LRP1B: variants seen among roughly 807,000 people sequenced by gnomAD.
LRP1B encodes low-density lipoprotein receptor-related protein 1B.
In LRP1B, 217 loss-of-function variants were observed where a neutral mutation model predicts 556.6. The observed-to-expected ratio is 0.39, with a 90% CI of 0.35 to 0.44. The LOEUF (loss-of-function observed/expected upper bound fraction) is 0.44. LRP1B is among the 20% of genes least tolerant of loss of function. The pLI is 1.00. For synonymous variants in LRP1B, 2,047 were observed against 1,865.8 expected, an observed-to-expected ratio of 1.10 and a Z score of -2.50; for missense variants, 5,053 against 5,620.8, an observed-to-expected ratio of 0.90 and a Z score of 3.23.
intron 3 of LRP1B, among the ~76,000 whole-genome samples, chr2:141,338,258 C>T (rs989605826): frequency 3.3e-5 from 5 of 152,158 alleles, no homozygotes; most frequent in Non-Finnish European, 5.9e-5. Flanking sequence ...ACTGAAGCCA[C>T]TGCCACCATA....
At chr2:141,378,622 T>C (rs1689524847) in intron 3 of LRP1B, among the ~76,000 whole-genome samples, 1 of 152,098 alleles carries the variant, frequency 6.6e-6, no homozygotes, top group African/African-American at 2.4e-5. Flanking sequence ...GCTAAGATAA[T>C]GCCACTACAC....
chr2:140,526,005 T>G lies in LRP1B; in HGVS notation c.7877-12A>C, dbSNP rs553075644. On this transcript the variant is annotated splice_polypyrimidine_tract_variant and intron_variant, in intron 48 of 90. Transcript: ENST00000389484. The stretch of plus-strand genomic sequence containing the variant: ...GCAGTCTGTGTTATCTAGAAGAAGG[T>G]AAACAAAAAATGAAAAAGTACCTCA... 6.2e-7 allele frequency: 1 copy of G among 1,608,866 alleles called. No individual in the cohort carries two copies. Among genetic ancestry groups the G allele is most frequent in the African/African-American group, 1.3e-5 (1 of 74,584 alleles).
chr2:141,059,433 T>C (rs1699277471), intron 8 of LRP1B, among the ~76,000 whole-genome samples: 1 of 151,790 alleles, frequency 6.6e-6, no homozygotes, highest in Admixed American at 6.6e-5. Flanking sequence ...TATATAATAA[T>C]GGATATTTAG....
intron 25 of LRP1B, among the ~76,000 whole-genome samples, chr2:140,873,534 G>C (rs1693206807): frequency 6.6e-6 from 1 of 152,076 alleles, no homozygotes. Flanking sequence ...TTGGAGGTTA[G>C]AAACAGGATG....
intron 2 of LRP1B, among the ~76,000 whole-genome samples, chr2:141,692,958 C>T (rs755867350): frequency 3.3e-5 from 5 of 151,946 alleles, no homozygotes; most frequent in Non-Finnish European, 5.9e-5. Flanking sequence ...ATTTGTGAGG[C>T]TCAGTGCCAA....
Position 140,457,482 on chromosome 2 carries a change from A to G in LRP1B, c.9795T>C (p.His3265=), listed in dbSNP as rs978675796. 4.3e-6 allele frequency: 7 copies of G among 1,613,068 alleles called. No individual in the cohort carries two copies. In the African/African-American group the frequency reaches 9.3e-5, roughly 22 times the overall value. The part of the protein sequence containing the change: ...WHAITDIQVY[H]SYRQPDVSKH... ...AATTACCATCAGGTTGTCTATAAGAATGATACACCTGGATATCTGTGATGG... is the reference window on the plus strand; with the variant it reads ...AATTACCATCAGGTTGTCTATAAGAGTGATACACCTGGATATCTGTGATGG... Residue 3265 remains histidine (H), a synonymous_variant, in exon 61 of 91, where the codon CAT becomes CAC. Transcript: ENST00000389484.
rs775816752 is a variant in LRP1B at position 141,771,944 on chromosome 2, G to A, written c.205+38335C>T. ...AGCAATTCTCCTGCCTCAGCCTCCC[G>A]AGTAGCTGGGATTATAGGTGCCTGC... On this transcript the variant is annotated intron_variant, in intron 2 of 90. Transcript: ENST00000389484. Among the ~76,000 whole-genome samples the A allele has an allele frequency of 2.0e-5, 3 of 151,904 alleles. 1 individual carries two copies. Among genetic ancestry groups the A allele is most frequent in the Middle Eastern group, 6.3e-3 (2 of 316 alleles).
chr2:140,770,755 C>A, intron 34 of LRP1B, 126 bp downstream of exon 34: 2 of 627,154 alleles, frequency 3.2e-6, no homozygotes, highest in Non-Finnish European at 5.2e-6. Context: ...AAACAGTATA[C>A]CATTTCCTAA....
At chr2:140,463,140 G>A (rs980951376) in intron 60 of LRP1B, among the ~76,000 whole-genome samples, 5 of 152,112 alleles carry the variant, frequency 3.3e-5, no homozygotes, top group South Asian at 2.1e-4. Flanking sequence ...GTGATTTAAC[G>A]TGACAAAGAA....
intron 5 of LRP1B, among the ~76,000 whole-genome samples, chr2:141,237,947 T>C (rs1380894561): frequency 6.6e-6 from 1 of 152,216 alleles, no homozygotes; most frequent in East Asian, 1.9e-4. Flanking sequence ...TCCTCAATGT[T>C]TTTTAAAGAG....
intron 27 of LRP1B, among the ~76,000 whole-genome samples, chr2:140,853,735 T>C: frequency 6.6e-6 from 1 of 152,144 alleles, no homozygotes; most frequent in East Asian, 1.9e-4. Flanking sequence ...CTCATTCTCC[T>C]AAGAAAATTA....
At position 140,574,429 on chromosome 2, in the gene LRP1B, A is replaced by G. The variant is rs184799717; in HGVS notation, c.7194+24202T>C. ...ACAATGTGCCATAAATGGCATGAAC[A>G]TCTGCACAAAGTTCTATTTCTCCAT... On this transcript the variant is annotated intron_variant, in intron 43 of 90. Transcript: ENST00000389484. Among the ~76,000 whole-genome samples the G allele has an allele frequency of 9.1e-4, 138 of 152,288 alleles. 1 individual carries two copies. The highest frequency in any genetic ancestry group is 1.0e-3 in the South Asian group (5 of 4,828).
chr2:140,318,512 C>G (rs543745910), intron 82 of LRP1B, among the ~76,000 whole-genome samples: 1 of 152,060 alleles, frequency 6.6e-6, no homozygotes, highest in Non-Finnish European at 1.5e-5. Flanking sequence ...CAGCCAAAAA[C>G]TTGTTTCATT....
chr2:141,247,732 T>C (rs546681996), intron 4 of LRP1B, among the ~76,000 whole-genome samples: 34 of 152,280 alleles, frequency 2.2e-4, no homozygotes, highest in South Asian at 4.1e-4. Context: ...GTAACATGGT[T>C]TTCAATCAAC....
At chr2:140,668,511 C>T (rs535848206) in intron 41 of LRP1B, among the ~76,000 whole-genome samples, 31 of 151,810 alleles carry the variant, frequency 2.0e-4, no homozygotes, top group Admixed American at 5.3e-4. Flanking sequence ...TGTAATTAGA[C>T]GATACTCAGC....
At chr2:141,901,769 T>C (rs1334039327) in intron 1 of LRP1B, among the ~76,000 whole-genome samples, 7 of 151,904 alleles carry the variant, frequency 4.6e-5, no homozygotes, top group Admixed American at 4.6e-4. Flanking sequence ...CAAGAAGAAA[T>C]GGAAGTAGGC....
chr2:140,385,535 T>C (rs761905032), intron 67 of LRP1B, among the ~76,000 whole-genome samples: 19 of 152,090 alleles, frequency 1.2e-4, no homozygotes, highest in Non-Finnish European at 2.2e-4. Flanking sequence ...TGAAATGAAA[T>C]GAATACTATT....
intron 1 of LRP1B, among the ~76,000 whole-genome samples, chr2:142,104,080 C>T (rs1318981402): frequency 2.0e-5 from 3 of 152,212 alleles, no homozygotes; most frequent in South Asian, 2.1e-4. Flanking sequence ...TTTCCACTTC[C>T]TTTTTCTTCC....
rs1906185 is a variant in LRP1B at position 140,323,843 on chromosome 2, C to A, written c.12514+50G>T. ...TAAAAATATATTATTTTGAGAGATA[C>A]AAGAAAATAATTTACCAATATAGAC... On this transcript the variant is annotated intron_variant, in intron 81 of 90. Coordinates refer to ENST00000389484, the MANE Select transcript of LRP1B (RefSeq NM_018557.3). The A allele has an allele frequency of 4.6e-4, 419 of 920,424 alleles. 1 individual carries two copies. The African/African-American group carries it at 6.5e-3, about 14-fold the overall frequency. The allele number at this position is 920,424 out of a possible 1,614,324, so 57.0% of individuals were successfully genotyped here.
Sources: gnomAD v4.1 joint callset for allele counts (sites outside exome capture counted in the v4.1 genomes callset) on GRCh38, gnomAD v4.1.1 for gene constraint, MANE v1.5 for transcripts, NCBI Gene and HGNC (gene_info 2026-07-23, HGNC 2026-07-21) for gene names.